Variants in DLC1 observed in about 807,000 individuals in gnomAD.
DLC1 encodes the protein DLC1 Rho GTPase activating protein.
Under a neutral mutation model 140.3 loss-of-function variants are expected in DLC1, and 54 were observed. The ratio of observed to expected loss-of-function variants is 0.38; its 90% CI spans 0.31 to 0.48. The LOEUF is 0.48. DLC1 is among the 20% of genes least tolerant of loss of function. DLC1 has a pLI of 0.96. For missense variants in DLC1, 2,536 were observed against 1,907.0 expected, an observed-to-expected ratio of 1.33 and a Z score of -6.14; for synonymous variants, 986 against 728.1, an observed-to-expected ratio of 1.35 and a Z score of -5.70.
intron 5 of DLC1, among the ~76,000 whole-genome samples, chr8:13,255,676 C>G (rs2117304396): frequency 6.6e-6 from 1 of 152,254 alleles, no homozygotes; most frequent in East Asian, 1.9e-4. Context: ...CATGCTGTTC[C>G]CTTCTCTCCT....
chr8:13,283,051 G>A (rs904403670), intron 5 of DLC1, among the ~76,000 whole-genome samples: 1 of 152,136 alleles, frequency 6.6e-6, no homozygotes, highest in African/African-American at 2.4e-5. Context: ...AGCAGTTTTA[G>A]ATAATGGCTG....
At chr8:13,297,292 A>AAAAAAAAAAAAAAAAAAAAAAAAG (rs1563233241) in intron 5 of DLC1, among the ~76,000 whole-genome samples, 1 of 144,454 alleles carries the variant, frequency 6.9e-6, no homozygotes, top group African/African-American at 2.6e-5. Flanking sequence ...TAAAAAAAAA[A>AAAAAAAAAAAAAAAAAAAAAAAAG]AAAACTGAAG....
chr8:13,174,019 C>T (rs1380421721), intron 5 of DLC1, among the ~76,000 whole-genome samples: 2 of 152,104 alleles, frequency 1.3e-5, no homozygotes, highest in African/African-American at 4.8e-5. Context: ...CCCTCCTTCA[C>T]TCTTCCCCCT....
intron 7 of DLC1, among the ~76,000 whole-genome samples, chr8:13,108,534 CT>C (rs1197908105): frequency 6.6e-6 from 1 of 152,214 alleles, no homozygotes; most frequent in South Asian, 2.1e-4. Context: ...ACAGAGGATA[CT>C]TTTTTTCCCA....
chr8:13,544,724 G>A (rs990063116), intron 1 of DLC1, among the ~76,000 whole-genome samples: 6 of 152,072 alleles, frequency 3.9e-5, no homozygotes, highest in South Asian at 4.1e-4. Flanking sequence ...TGTTTAACAA[G>A]GCATGAAAAT....
intron 2 of DLC1, among the ~76,000 whole-genome samples, chr8:13,426,898 C>G (rs546427642): frequency 6.6e-6 from 1 of 152,090 alleles, no homozygotes; most frequent in Non-Finnish European, 1.5e-5. Flanking sequence ...CAATGATGCT[C>G]TACTGGAAAA....
chr8:13,600,561 T>C (rs1805842133), intron 1 of DLC1, among the ~76,000 whole-genome samples: 1 of 151,850 alleles, frequency 6.6e-6, no homozygotes, highest in Admixed American at 6.6e-5. Flanking sequence ...CAAATCACAA[T>C]GTGGTACAGA....
At chr8:13,571,146 C>T (rs567131657) in intron 1 of DLC1, among the ~76,000 whole-genome samples, 2 of 152,282 alleles carry the variant, frequency 1.3e-5, no homozygotes, top group South Asian at 2.1e-4. Context: ...CAAATACGAA[C>T]ACCAAAGATA....
intron 4 of DLC1, among the ~76,000 whole-genome samples, chr8:13,311,645 T>C (rs1035287326): frequency 6.6e-6 from 1 of 152,214 alleles, no homozygotes; most frequent in Admixed American, 6.5e-5. Flanking sequence ...TGTCTTTCAG[T>C]TTTTGTAGAC....
intron 5 of DLC1, chr8:13,133,180 G>C: frequency 1.4e-6 from 2 of 1,431,988 alleles, no homozygotes; most frequent in Non-Finnish European, 9.1e-7. Flanking sequence ...ACGAGGGAGC[G>C]CTCAGGGAGT....
intron 2 of DLC1, among the ~76,000 whole-genome samples, chr8:13,462,317 A>G (rs1395382876): frequency 6.6e-6 from 1 of 152,142 alleles, no homozygotes; most frequent in Non-Finnish European, 1.5e-5. Context: ...GAAAACCCCT[A>G]AATCCACCTG....
At position 13,353,065 on chromosome 8, in the gene DLC1, C is replaced by T. The variant is rs912287376; in HGVS notation, c.1314+40488G>A. ...ATATATATAGTCCCAGATGATGTTA[C>T]TCTGCTTCCTTAGTTTTTCTTAGTA... On this transcript the variant is annotated intron_variant, in intron 4 of 17. Coordinates refer to ENST00000276297, the MANE Select transcript of DLC1 (RefSeq NM_182643.3). Among the ~76,000 whole-genome samples the T allele has an allele frequency of 1.5e-4, 23 of 152,190 alleles. No homozygotes were observed. The East Asian group carries it at 3.5e-3, about 23-fold the overall frequency.
chr8:13,180,711 A>T (rs76831167), intron 5 of DLC1, among the ~76,000 whole-genome samples: 1 of 152,220 alleles, frequency 6.6e-6, no homozygotes, highest in Non-Finnish European at 1.5e-5. Context: ...AGTCCTTAAC[A>T]TGCCTATATA....
At chr8:13,141,338 G>C (rs1822980537) in intron 5 of DLC1, among the ~76,000 whole-genome samples, 1 of 143,694 alleles carries the variant, frequency 7.0e-6, no homozygotes. Flanking sequence ...TTTAAGAAAT[G>C]TTTTGACTTA....
chr8:13,374,361 C>T (rs564006738), intron 4 of DLC1, among the ~76,000 whole-genome samples: 2 of 152,078 alleles, frequency 1.3e-5, no homozygotes, highest in Non-Finnish European at 2.9e-5. Context: ...TTTCTGAAGG[C>T]TAAGCAGTTC....
At chr8:13,305,326 G>T in intron 4 of DLC1, 24 bp from the exon 5 acceptor site, 10 of 1,570,382 alleles carry the variant, frequency 6.4e-6, no homozygotes, top group Middle Eastern at 1.7e-4. Context: ...CACAAAAATT[G>T]TGGTATTATT....
rs184051516 is a variant in DLC1, at chr8:13,451,121, A to C, written c.1023+47928T>G. On this transcript the variant is annotated intron_variant, in intron 2 of 17. Transcript: ENST00000276297. ...TCAAATTTTCTTAAGATAACAACGA[A>C]ATAAAGTAAGAGTAAATATGTTTGA... Among the ~76,000 whole-genome samples, 723 of 151,454 alleles carry C rather than the reference A, an allele frequency of 4.8e-3. 7 individuals are homozygous for C. The highest frequency in any genetic ancestry group is 0.017 in the African/African-American group (688 of 41,410).
chr8:13,168,366 CCAGT>C (rs1825238541), intron 5 of DLC1, among the ~76,000 whole-genome samples: 1 of 152,112 alleles, frequency 6.6e-6, no homozygotes, highest in Admixed American at 6.5e-5. Flanking sequence ...AGATCTCGTT[CCAGT>C]TGTACTTCAG....
intron 5 of DLC1, among the ~76,000 whole-genome samples, chr8:13,126,368 T>TACACAC (rs3065349): frequency 0.02 from 2,981 of 145,572 alleles, 64 homozygotes; most frequent in African/African-American, 0.057. Flanking sequence ...TCTCTATCCA[T>TACACAC]ACACACACAC....
Sources: gnomAD v4.1 joint callset for allele counts (sites outside exome capture counted in the v4.1 genomes callset) on GRCh38, gnomAD v4.1.1 for gene constraint, MANE v1.5 for transcripts, NCBI Gene and HGNC (gene_info 2026-07-23, HGNC 2026-07-21) for gene names.